The following PDE4A variants were observed in gnomAD, a reference collection of about 807,000 sequenced individuals.
PDE4A encodes the protein phosphodiesterase 4A, also known as 3',5'-cyclic-AMP phosphodiesterase 4A.
PDE4A carries 21 observed loss-of-function variants against 73.9 expected under a neutral mutation model. The observed-to-expected ratio is 0.28, with a 90% CI of 0.20 to 0.41. PDE4A has a LOEUF of 0.41. PDE4A is among the 10% of genes least tolerant of loss of function. The pLI, the probability that PDE4A is intolerant of heterozygous loss-of-function variation, is 1.00. For missense variants in PDE4A, 958 were observed against 1,211.4 expected, an observed-to-expected ratio of 0.79 and a Z score of 3.10; for synonymous variants, 463 against 505.4, an observed-to-expected ratio of 0.92 and a Z score of 1.13.
At chr19:10,464,186 C>T (rs530683951) in intron 14 of PDE4A, among the ~76,000 whole-genome samples, 73 of 152,308 alleles carry the variant, frequency 4.8e-4, no homozygotes, top group African/African-American at 1.6e-3. Context: ...CAACCTCCGC[C>T]TCCCAGGTTC....
chr19:10,421,013 C>T lies in PDE4A; in HGVS notation c.249C>T (p.Arg83=). The T allele has an allele frequency of 6.6e-7, 1 of 1,504,830 alleles. No homozygotes were observed. The highest frequency in any genetic ancestry group is 2.7e-5 in the East Asian group (1 of 37,526). The allele number at this position is 1,504,830 out of a possible 1,614,324, so 93.2% of individuals were successfully genotyped here. ...TSDRPGLRTT[R]MSWPSSFHGT... ...ACCGGCCCGGCCTGCGCACGACCCG[C>T]ATGTCCTGGCCCTCGTCCTTCCATG... Residue 83 remains arginine (R), a synonymous_variant, in exon 1 of 15, where the codon CGC becomes CGT. Transcript: ENST00000380702.
chr19:10,460,521 C>T (rs1002558760), intron 10 of PDE4A, among the ~76,000 whole-genome samples: 4 of 149,172 alleles, frequency 2.7e-5, no homozygotes, highest in African/African-American at 7.4e-5. Flanking sequence ...ATAAAAATTG[C>T]GGGGGGCTAG....
chr19:10,462,327 T>C (rs1235485120), intron 13 of PDE4A, among the ~76,000 whole-genome samples: 1 of 152,064 alleles, frequency 6.6e-6, no homozygotes, highest in Non-Finnish European at 1.5e-5. Flanking sequence ...GCTAATTTTG[T>C]ACTTTTAGTA....
At chr19:10,425,085 A>G (rs1387151713) in intron 1 of PDE4A, among the ~76,000 whole-genome samples, 1 of 151,990 alleles carries the variant, frequency 6.6e-6, no homozygotes, top group Non-Finnish European at 1.5e-5. Context: ...TTAGCCGGGT[A>G]TGGTGGCACA....
chr19:10,420,098 C>G (rs933473242), upstream of PDE4A: 1 of 152,372 alleles, frequency 6.6e-6, no homozygotes, highest in Non-Finnish European at 1.5e-5. This position sits in a 1 kb window ranked among gnomAD's most constrained non-coding sequence, Gnocchi z 6.0. Context: ...TCTGCCGCCG[C>G]CCGCTGCAGG....
chr19:10,453,904 G>T lies in PDE4A; in HGVS notation c.784-925G>T, dbSNP rs1477042989. 6.6e-6 allele frequency among the ~76,000 whole-genome samples: 1 copy of T among 152,064 alleles called. No homozygotes were observed. Among genetic ancestry groups the T allele is most frequent in the South Asian group, 2.1e-4 (1 of 4,832 alleles). On this transcript the variant is annotated intron_variant, in intron 6 of 14. Transcript: ENST00000380702. The surrounding 1 kb of genome is among the most constrained non-coding windows in gnomAD (Gnocchi z 4.6). ...CTCTGGGTGGCACCGGGAGGAGGGAGCACCCCGTCCAAGCCTGGGCCATGC... is the reference window on the plus strand; with the variant it reads ...CTCTGGGTGGCACCGGGAGGAGGGATCACCCCGTCCAAGCCTGGGCCATGC...
intron 1 of PDE4A, among the ~76,000 whole-genome samples, chr19:10,433,285 C>A (rs2042819356): frequency 2.0e-5 from 3 of 152,116 alleles, no homozygotes; most frequent in Non-Finnish European, 4.4e-5. Flanking sequence ...AGGTGACACA[C>A]AGACCACAGC....
chr19:10,465,881 A>C (rs2144526810), intron 14 of PDE4A, among the ~76,000 whole-genome samples: 1 of 148,774 alleles, frequency 6.7e-6, no homozygotes, highest in South Asian at 2.1e-4. Context: ...TTGTATTTTT[A>C]GTAGAGACAG....
chr19:10,467,404 C>G lies in PDE4A; in HGVS notation c.2444C>G (p.Ala815Gly). 6.2e-7 allele frequency: 1 copy of G among 1,614,072 alleles called. No individual in the cohort carries two copies. The highest frequency in any genetic ancestry group is 1.1e-5 in the South Asian group (1 of 91,088). ...AGCCACAGCAGCCCCTCTGCCCTGG[C>G]TCTTCAAAGCCCCCTTCTCCCTGCT... ...AVSHSSPSALALQSPLLPAWR... is the reference protein window; with the variant it reads ...AVSHSSPSALGLQSPLLPAWR... Residue 815 changes from alanine to glycine, a missense_variant, in exon 15 of 15, where the codon GCT becomes GGT. Physicochemically the swap from Ala to Gly is moderately conservative, Grantham distance 60. This residue lies in a region of PDE4A where 243 missense variants were observed against 245.9 expected (regional missense o/e 0.99). Transcript: ENST00000380702.
At chr19:10,425,961 T>C (rs1158587745) in intron 1 of PDE4A, among the ~76,000 whole-genome samples, 1 of 118,274 alleles carries the variant, frequency 8.5e-6, no homozygotes, top group Admixed American at 1.2e-4. Context: ...CACTCCAGTC[T>C]GGGCGAGAGA....
chr19:10,430,931 C>T, intron 1 of PDE4A: 1 of 1,512,014 alleles, frequency 6.6e-7, no homozygotes. Flanking sequence ...ACGAGGCGTT[C>T]CTGCCCGAGC....
intron 12 of PDE4A, 55 bp from the exon 13 acceptor site, chr19:10,461,822 G>A (rs1342818350): frequency 6.3e-7 from 1 of 1,592,786 alleles, no homozygotes; most frequent in Non-Finnish European, 8.5e-7. Context: ...TCAGAGGCCC[G>A]GGTCAGTCTG....
chr19:10,419,779 C>G (rs1599392812), upstream of PDE4A, among the ~76,000 whole-genome samples: 1 of 152,196 alleles, frequency 6.6e-6, no homozygotes, highest in Non-Finnish European at 1.5e-5. Context: ...CGACCACAAA[C>G]GCATCCAAGC....
chr19:10,420,734 G>GC lies in PDE4A; in HGVS notation c.-26dup, dbSNP rs1189097687. On this transcript the variant is annotated 5_prime_UTR_variant, in exon 1 of 15. Coordinates refer to ENST00000380702, the MANE Select transcript of PDE4A (RefSeq NM_001111307.2). The surrounding 1 kb of genome is among the most constrained non-coding windows in gnomAD (Gnocchi z 6.0). ...CGGGGTGTAGGTTGGAAGGGCCAGG[G>GC]CCCCCTGGGGCGCAAGTGGGGGCCG... 3.3e-6 allele frequency: 5 copies of GC among 1,506,980 alleles called. No individual in the cohort carries two copies. Among genetic ancestry groups the GC allele is most frequent in the Non-Finnish European group, 4.4e-6 (5 of 1,140,378 alleles). The allele number at this position is 1,506,980 out of a possible 1,614,324, so 93.4% of individuals were successfully genotyped here. A position where few individuals can be genotyped will look rare whatever the true frequency, so the allele number is the denominator to read the frequency against.
intron 6 of PDE4A, among the ~76,000 whole-genome samples, chr19:10,451,286 C>T (rs1411490521): frequency 6.6e-6 from 1 of 152,142 alleles, no homozygotes; most frequent in African/African-American, 2.4e-5. Flanking sequence ...GCGGCAGCTT[C>T]AAGGCTTGAA....
chr19:10,417,568 C>G (rs146132785), upstream of PDE4A: 22 of 1,477,630 alleles, frequency 1.5e-5, no homozygotes, highest in Non-Finnish European at 2.0e-5. Flanking sequence ...ATTAACTACT[C>G]CCTTAGACAG....
At chr19:10,437,628 G>A (rs952335164) in intron 1 of PDE4A, among the ~76,000 whole-genome samples, 1 of 151,968 alleles carries the variant, frequency 6.6e-6, no homozygotes, top group Admixed American at 6.6e-5. Context: ...ATGTTGCCCA[G>A]GCTGGTCTCA....
chr19:10,466,828 A>G (rs976476409), intron 14 of PDE4A, 59 bp from the exon 15 acceptor site: 47 of 1,562,616 alleles, frequency 3.0e-5, no homozygotes, highest in East Asian at 4.5e-5. Context: ...AGCTCCCATA[A>G]TGTGGTGGTA....
intron 10 of PDE4A, 26 bp downstream of exon 10, chr19:10,459,785 G>A (rs1275561126): frequency 4.4e-6 from 7 of 1,578,654 alleles, no homozygotes; most frequent in Non-Finnish European, 4.3e-6. Flanking sequence ...GTGAGTGACC[G>A]TCCCCATCTC....
Sources: gnomAD v4.1 joint callset for allele counts (sites outside exome capture counted in the v4.1 genomes callset) on GRCh38, gnomAD v4.1.1 for gene constraint, gnomAD v4.1.1 regional missense constraint, Gnocchi (gnomAD v3.1) non-coding constraint, MANE v1.5 for transcripts, NCBI Gene and HGNC (gene_info 2026-07-23, HGNC 2026-07-21) for gene names.